Variants in DOP1B observed in about 807,000 individuals in gnomAD.
DOP1B encodes protein DOP1B.
DOP1B carries 174 observed loss-of-function variants against 233.5 expected under a neutral mutation model. That is an observed-to-expected ratio of 0.75 (90% CI 0.66 to 0.85). The LOEUF is 0.85. Ranked by LOEUF, DOP1B falls within the 40% of genes least tolerant of loss-of-function variation. The pLI, the probability that DOP1B is intolerant of heterozygous loss-of-function variation, is 0.00. For synonymous variants in DOP1B, 1,190 were observed against 1,185.6 expected (o/e 1.00, Z -0.08); for missense variants, 2,652 against 2,846.6 (o/e 0.93, Z 1.56).
intron 32 of DOP1B, among the ~76,000 whole-genome samples, chr21:36,286,592 C>T (rs1411567369): frequency 6.6e-6 from 1 of 151,738 alleles, no homozygotes; most frequent in Non-Finnish European, 1.5e-5. Context: ...GCCGAGATCG[C>T]ACCACTGTAC....
At chr21:36,202,864 G>C (rs1271470810) in intron 4 of DOP1B, among the ~76,000 whole-genome samples, 2 of 152,180 alleles carry the variant, frequency 1.3e-5, no homozygotes, top group Non-Finnish European at 2.9e-5. Flanking sequence ...GCAGCTGGAG[G>C]ACATTGCCAG....
chr21:36,191,269 CA>C (rs2066231679), intron 2 of DOP1B, among the ~76,000 whole-genome samples: 1 of 141,982 alleles, frequency 7.0e-6, no homozygotes, highest in Non-Finnish European at 1.5e-5. Context: ...AAAAAAAAAA[CA>C]AAAAACAGAA....
At chr21:36,236,585 T>G (rs1290715223) in intron 15 of DOP1B, among the ~76,000 whole-genome samples, 1 of 152,142 alleles carries the variant, frequency 6.6e-6, no homozygotes, top group Non-Finnish European at 1.5e-5. Flanking sequence ...ACCTGCCTGT[T>G]GAAAGAATGC....
At chr21:36,252,901 C>T (rs148364120) in intron 22 of DOP1B, among the ~76,000 whole-genome samples, 5 of 152,334 alleles carry the variant, frequency 3.3e-5, no homozygotes, top group Non-Finnish European at 7.4e-5. Flanking sequence ...CAATCCTCTT[C>T]CTTTGTTCCC....
chr21:36,260,171 A>T (rs201379869), intron 23 of DOP1B, among the ~76,000 whole-genome samples: 1 of 136,544 alleles, frequency 7.3e-6, no homozygotes, highest in African/African-American at 2.7e-5. Flanking sequence ...AAAAAAAAAA[A>T]GGAAAGAAGG....
In DOP1B at chr21:36,266,185, TA is replaced by T. The variant is rs1490818960; in HGVS notation, c.5487+2372del. Reference sequence around the variant, plus strand: ...GAACAGTTTATTTTATTTATTTATTTATTTTTTTGAGACAGAGTCTTGCTCT... The same window carrying T: ...GAACAGTTTATTTTATTTATTTATTTTTTTTTTGAGACAGAGTCTTGCTCT... On this transcript the variant is annotated intron_variant, in intron 26 of 36. Coordinates refer to ENST00000691173, the MANE Select transcript of DOP1B (RefSeq NM_001320714.2). Among the ~76,000 whole-genome samples, 9 of 152,188 alleles carry T rather than the reference TA, an allele frequency of 5.9e-5. No homozygotes were observed. The East Asian group carries it at 1.3e-3, about 23-fold the overall frequency.
chr21:36,177,684 AGAAGAG>A (rs1041052899), intron 2 of DOP1B, among the ~76,000 whole-genome samples: 10 of 152,174 alleles, frequency 6.6e-5, no homozygotes, highest in African/African-American at 2.4e-4. Context: ...TAGCTAAATA[AGAAGAG>A]GAAGAGAGGC....
chr21:36,176,597 T>C (rs2066034836), intron 2 of DOP1B, among the ~76,000 whole-genome samples: 1 of 151,888 alleles, frequency 6.6e-6, no homozygotes, highest in East Asian at 1.9e-4. Context: ...AGGGCCAGGG[T>C]CATCGTGGAA....
chr21:36,205,534 G>T (rs1162960322), intron 4 of DOP1B, among the ~76,000 whole-genome samples: 1 of 151,930 alleles, frequency 6.6e-6, no homozygotes, highest in Non-Finnish European at 1.5e-5. Flanking sequence ...GATTACAGGT[G>T]CGAACCACCA....
At chr21:36,200,557 G>C in intron 4 of DOP1B, 56 bp downstream of exon 4, 1 of 1,527,122 alleles carries the variant, frequency 6.5e-7, no homozygotes, top group Non-Finnish European at 8.8e-7. Flanking sequence ...AAGACGCGGG[G>C]AGGGGGCCGG....
At chr21:36,218,666 A>G (rs2066588703) in intron 9 of DOP1B, among the ~76,000 whole-genome samples, 1 of 152,352 alleles carries the variant, frequency 6.6e-6, no homozygotes, top group South Asian at 2.1e-4. Flanking sequence ...CAGTGTTGAC[A>G]GAGCTTTCAT....
intron 21 of DOP1B, among the ~76,000 whole-genome samples, chr21:36,250,954 G>A (rs934779947): frequency 2.0e-5 from 3 of 152,114 alleles, no homozygotes; most frequent in African/African-American, 7.2e-5. Flanking sequence ...GGCATGACAC[G>A]CCAACATCAC....
rs116747291 is a variant in DOP1B at position 36,288,983 on chromosome 21, G to A, written c.6354-62G>A. ...AAATTCTTCTGAGGGACAGGTCATA[G>A]GTGAATGGACTATAACAGATCTGAA... is the stretch of plus-strand genomic sequence containing the variant. On this transcript the variant is annotated intron_variant, in intron 34 of 36. Coordinates refer to ENST00000691173, the MANE Select transcript of DOP1B (RefSeq NM_001320714.2). 1,570 of 1,583,008 alleles carry A rather than the reference G, an allele frequency of 9.9e-4. 17 individuals carry two copies. The African/African-American group carries it at 0.019, about 19-fold the overall frequency.
Position 36,159,479 on chromosome 21 carries a change from G to A in DOP1B, c.-27+2536G>A, listed in dbSNP as rs114794846. Among the ~76,000 whole-genome samples, 443 of 152,226 alleles carry A rather than the reference G, an allele frequency of 2.9e-3. 1 individual carries two copies. Among genetic ancestry groups the A allele is most frequent in the African/African-American group, 0.01 (427 of 41,540 alleles). ...AAAAAAAGAAGAAAAACAAATGCAT[G>A]CATAAATGGTGAATTTACCAAGCTC... On this transcript the variant is annotated intron_variant, in intron 1 of 36. Coordinates refer to ENST00000691173, the MANE Select transcript of DOP1B (RefSeq NM_001320714.2).
At chr21:36,288,478 A>G (rs1428891919) in intron 33 of DOP1B, among the ~76,000 whole-genome samples, 1 of 152,090 alleles carries the variant, frequency 6.6e-6, no homozygotes, top group African/African-American at 2.4e-5. Flanking sequence ...GGATCACTTG[A>G]GCCCAGGAGT....
At chr21:36,260,575 C>T (rs935421025) in intron 23 of DOP1B, 102 bp from the exon 24 acceptor site, 3 of 1,489,686 alleles carry the variant, frequency 2.0e-6, no homozygotes, top group Middle Eastern at 1.8e-4. Context: ...TAGTCAAAAA[C>T]CTTTGCTTTG....
intron 4 of DOP1B, among the ~76,000 whole-genome samples, chr21:36,207,203 G>A (rs1467241364): frequency 2.3e-5 from 2 of 88,018 alleles, no homozygotes; most frequent in South Asian, 3.8e-4. Flanking sequence ...TTTTTTTTTT[G>A]AGACAGAGTC....
chr21:36,285,522 A>C (rs530180519), intron 32 of DOP1B, among the ~76,000 whole-genome samples: 1 of 152,250 alleles, frequency 6.6e-6, no homozygotes, highest in Admixed American at 6.5e-5. Flanking sequence ...CGTTGTCCCC[A>C]GGATGCTCGT....
intron 15 of DOP1B, among the ~76,000 whole-genome samples, chr21:36,234,833 G>A (rs970077743): frequency 2.6e-5 from 4 of 151,542 alleles, no homozygotes; most frequent in East Asian, 1.9e-4. Flanking sequence ...CACCGCACCC[G>A]GCCAAGAGCA....
Sources: allele counts gnomAD v4.1 joint callset (sites outside exome capture counted in the v4.1 genomes callset), GRCh38; gene constraint gnomAD v4.1.1; transcripts MANE v1.5; gene names NCBI Gene and HGNC (gene_info 2026-07-23, HGNC 2026-07-21).